Variants in MTA1 observed in about 807,000 individuals in gnomAD.
MTA1 encodes metastasis-associated protein MTA1.
MTA1 carries 15 observed loss-of-function variants against 97.0 expected under a neutral mutation model. The ratio of observed to expected loss-of-function variants is 0.15; its 90% CI spans 0.10 to 0.24. The LOEUF (loss-of-function observed/expected upper bound fraction) is 0.24. Among genes scored for constraint, MTA1 ranks in the 10% least tolerant of loss-of-function variants. The pLI is 1.00. For missense variants in MTA1, 709 were observed against 1,015.1 expected (o/e 0.70, Z 4.10); for synonymous variants, 435 against 417.5 (o/e 1.04, Z -0.51).
intron 1 of MTA1, among the ~76,000 whole-genome samples, chr14:105,426,236 G>A (rs1346914870): frequency 5.3e-5 from 8 of 152,134 alleles, no homozygotes; most frequent in South Asian, 2.1e-4. Context: ...CAGCAGCGTC[G>A]TCACAGGGGA....
At chr14:105,449,556 C>A in intron 4 of MTA1, 147 bp downstream of exon 4, 1 of 872,012 alleles carries the variant, frequency 1.1e-6, no homozygotes. Flanking sequence ...GGGGCCCTCC[C>A]TTGTGTCCGG....
intron 8 of MTA1, among the ~76,000 whole-genome samples, chr14:105,458,700 T>C (rs1294208717): frequency 1.3e-5 from 2 of 152,120 alleles, no homozygotes; most frequent in East Asian, 1.9e-4. Flanking sequence ...GGCCTGGTCA[T>C]GGAGCAGAGC....
intron 18 of MTA1, 71 bp downstream of exon 18, chr14:105,466,813 TC>T: frequency 1.3e-6 from 2 of 1,496,716 alleles, no homozygotes; most frequent in South Asian, 2.5e-5. Flanking sequence ...CTGCTCTGTG[TC>T]CCCGCGGCGG....
Position 105,469,447 on chromosome 14 carries a change from TC to T in MTA1, c.1814-19del, listed in dbSNP as rs1567051756. ...ACGCGCTCTCTCGGGGCCTCATTTC[TC>T]TCCTCCATTTCTCATCAGGTCTGGC... On this transcript the variant is annotated intron_variant, in intron 18 of 20. Coordinates refer to ENST00000331320, the MANE Select transcript of MTA1 (RefSeq NM_004689.4). 1.2e-6 allele frequency: 2 copies of T among 1,612,762 alleles called. No homozygotes were observed. Among genetic ancestry groups the T allele is most frequent in the Non-Finnish European group, 1.7e-6 (2 of 1,179,666 alleles).
chr14:105,435,528 T>C (rs951808922), intron 1 of MTA1, among the ~76,000 whole-genome samples: 1 of 152,210 alleles, frequency 6.6e-6, no homozygotes, highest in Non-Finnish European at 1.5e-5. Context: ...ACTGAAGCAA[T>C]CCTCCTGATT....
chr14:105,426,368 C>T (rs868914805), intron 1 of MTA1, among the ~76,000 whole-genome samples: 1 of 108,234 alleles, frequency 9.2e-6, no homozygotes, highest in Non-Finnish European at 1.8e-5. Context: ...AGCGAGACTT[C>T]GTCTCACAAA....
intron 16 of MTA1, 186 bp from the exon 17 acceptor site, chr14:105,466,228 CTTGCCGAGGGCT>C: frequency 1.7e-6 from 1 of 603,770 alleles, no homozygotes; most frequent in Admixed American, 2.9e-5. Context: ...GGGCACACGC[CTTGCCGAGGGCT>C]TCTGGGCTTC....
Position 105,470,461 on chromosome 14 carries a change from C to CACGGGGTGGCCCCT in MTA1, c.*246_*247insACGGGGTGGCCCCT. 1 of 440,360 alleles carries CACGGGGTGGCCCCT rather than the reference C, an allele frequency of 2.3e-6. No individual in the cohort carries two copies. The highest frequency in any genetic ancestry group is 4.0e-6 in the Non-Finnish European group (1 of 251,338). The allele number at this position is 440,360 out of a possible 1,614,324, so 27.3% of individuals were successfully genotyped here. ...TTTTGGCTGGAGCGGAGATGAGGGG[C>CACGGGGTGGCCCCT]CACCCCGTGCCCCTGTGCTGCGGGG... On this transcript the variant is annotated 3_prime_UTR_variant, in exon 21 of 21. Coordinates refer to ENST00000331320, the MANE Select transcript of MTA1 (RefSeq NM_004689.4).
At chr14:105,467,364 A>G in intron 18 of MTA1, 2 of 453,908 alleles carry the variant, frequency 4.4e-6, no homozygotes, top group South Asian at 1.6e-5. Context: ...CCCCTTCGCC[A>G]GGCGGCTTTC....
At chr14:105,468,844 T>TG (rs2083705719) in intron 18 of MTA1, 1 of 284,150 alleles carries the variant, frequency 3.5e-6, no homozygotes, top group Non-Finnish European at 7.0e-6. Context: ...TGGGCCCAGC[T>TG]GGGGGTGACC....
At position 105,449,342 on chromosome 14, in the gene MTA1, G is replaced by T; in HGVS notation, c.191-17G>T. ...TGTGCTGACCGTGCTGCCGGGTGCT[G>T]TCTGTCTGTTATATAGCCCTGTCAG... On this transcript the variant is annotated splice_polypyrimidine_tract_variant and intron_variant, in intron 3 of 20. Transcript: ENST00000331320. The T allele has an allele frequency of 6.2e-7, 1 of 1,611,106 alleles. No homozygotes were observed. Among genetic ancestry groups the T allele is most frequent in the South Asian group, 1.1e-5 (1 of 90,502 alleles).
intron 18 of MTA1, chr14:105,467,501 C>T (rs1595430056): frequency 2.2e-6 from 1 of 455,922 alleles, no homozygotes; most frequent in Non-Finnish European, 4.4e-6. Flanking sequence ...GGTGTCCTGG[C>T]AGGCACGTCC....
At chr14:105,439,983 G>C (rs868963739) in intron 2 of MTA1, among the ~76,000 whole-genome samples, 18 of 152,190 alleles carry the variant, frequency 1.2e-4, no homozygotes, top group Admixed American at 9.8e-4. Flanking sequence ...GGCTTCCCTG[G>C]CTGCGCTTGT....
intron 3 of MTA1, 63 bp from the exon 4 acceptor site, chr14:105,449,296 G>T: frequency 6.5e-7 from 1 of 1,544,670 alleles, no homozygotes. Flanking sequence ...CGGGCCCTGG[G>T]CAGGGAGCAG....
intron 1 of MTA1, among the ~76,000 whole-genome samples, chr14:105,430,541 G>A (rs1268991537): frequency 6.6e-6 from 1 of 152,182 alleles, no homozygotes; most frequent in Non-Finnish European, 1.5e-5. Flanking sequence ...GCAACACGTA[G>A]TGAGCACCTG....
chr14:105,441,339 C>T (rs797022993), intron 2 of MTA1, among the ~76,000 whole-genome samples: 2 of 152,354 alleles, frequency 1.3e-5, no homozygotes, highest in African/African-American at 4.8e-5. Context: ...CAGCTGCTGG[C>T]ATCGGGGACC....
intron 15 of MTA1, 83 bp downstream of exon 15, chr14:105,464,946 C>A (rs1555432235): frequency 4.8e-6 from 7 of 1,466,138 alleles, no homozygotes; most frequent in Non-Finnish European, 6.3e-6. Flanking sequence ...GCCTGTAGCC[C>A]CACTGGGAGT....
chr14:105,460,647 G>A, intron 9 of MTA1, 118 bp from the exon 10 acceptor site: 1 of 1,267,140 alleles, frequency 7.9e-7, no homozygotes, highest in Non-Finnish European at 1.1e-6. Context: ...GGTGCAGGGA[G>A]GGTTGTGCTG....
chr14:105,447,678 C>G (rs1365352046), intron 3 of MTA1, among the ~76,000 whole-genome samples: 1 of 152,206 alleles, frequency 6.6e-6, no homozygotes, highest in Non-Finnish European at 1.5e-5. Context: ...GGCGGCCCCT[C>G]TGCAGGGCGT....
Sources: allele counts gnomAD v4.1 joint callset (sites outside exome capture counted in the v4.1 genomes callset), GRCh38; gene constraint gnomAD v4.1.1; transcripts MANE v1.5; gene names NCBI Gene and HGNC (gene_info 2026-07-23, HGNC 2026-07-21).